Variants in MALT1 observed in about 807,000 individuals in gnomAD.
The protein encoded by MALT1 is mucosa-associated lymphoid tissue lymphoma translocation protein 1.
A neutral mutation model predicts 85.5 loss-of-function variants in MALT1; 36 were observed. That is an observed-to-expected ratio of 0.42 (90% CI 0.32 to 0.56). The LOEUF is 0.56. MALT1 is among the 20% of genes least tolerant of loss of function. MALT1 has a pLI of 0.10. For missense variants in MALT1, 716 were observed against 981.6 expected, an observed-to-expected ratio of 0.73 and a Z score of 3.62; for synonymous variants, 359 against 361.3, an observed-to-expected ratio of 0.99 and a Z score of 0.07.
At chr18:58,701,432 A>T (rs2054671246) in intron 4 of MALT1, among the ~76,000 whole-genome samples, 1 of 152,124 alleles carries the variant, frequency 6.6e-6, no homozygotes, top group African/African-American at 2.4e-5. Context: ...CTGCCTTGGC[A>T]TTCTGATTTT....
chr18:58,743,144 G>A (rs2055324642), intron 14 of MALT1, among the ~76,000 whole-genome samples: 1 of 152,168 alleles, frequency 6.6e-6, no homozygotes, highest in African/African-American at 2.4e-5. Context: ...GGAGGCCAAG[G>A]TGGGTAGATC....
intron 7 of MALT1, among the ~76,000 whole-genome samples, chr18:58,712,977 TAAGAA>T (rs1333282506): frequency 3.3e-5 from 5 of 152,136 alleles, no homozygotes; most frequent in African/African-American, 1.2e-4. Flanking sequence ...ATACAGACTA[TAAGAA>T]AAGAACCTAA....
chr18:58,729,734 T>G (rs1018592574), intron 10 of MALT1, among the ~76,000 whole-genome samples: 3 of 152,190 alleles, frequency 2.0e-5, no homozygotes, highest in African/African-American at 7.2e-5. Flanking sequence ...ATCTCTAATC[T>G]GAAAATCCCA....
In MALT1 at chr18:58,696,496, T is replaced by C; in HGVS notation, c.498+9T>C. 6.5e-7 allele frequency: 1 copy of C among 1,548,428 alleles called. No individual in the cohort carries two copies. Among genetic ancestry groups the C allele is most frequent in the Non-Finnish European group, 8.7e-7 (1 of 1,144,326 alleles). On this transcript the variant is annotated intron_variant, in intron 3 of 16. Transcript: ENST00000649217. Reference sequence around the variant, plus strand: ...TCAAAATGAATAAAGAGGTAATTTTTTAAATATATCTTTTAATTCTTCCAA... The same window carrying C: ...TCAAAATGAATAAAGAGGTAATTTTCTAAATATATCTTTTAATTCTTCCAA...
intron 13 of MALT1, among the ~76,000 whole-genome samples, chr18:58,739,808 TACACAC>T (rs36038136): frequency 0.18 from 27,188 of 150,928 alleles, 3,116 homozygotes; most frequent in African/African-American, 0.33. Flanking sequence ...TGTACACACA[TACACAC>T]ACACACACAC....
chr18:58,742,661 A>G (rs1447304250), intron 14 of MALT1, among the ~76,000 whole-genome samples: 1 of 152,216 alleles, frequency 6.6e-6, no homozygotes, highest in Non-Finnish European at 1.5e-5. Context: ...TGCAGTGAGC[A>G]GAGATTGTCC....
chr18:58,711,741 AAAT>A (rs1217991029), intron 7 of MALT1, among the ~76,000 whole-genome samples: 12 of 152,172 alleles, frequency 7.9e-5, no homozygotes, highest in African/African-American at 2.9e-4. Flanking sequence ...TAAAGTAAGG[AAAT>A]AATGTTAAAT....
At chr18:58,744,297 T>A in intron 14 of MALT1, 41 bp from the exon 15 acceptor site, 1 of 1,472,540 alleles carries the variant, frequency 6.8e-7, no homozygotes, top group Non-Finnish European at 9.3e-7. Context: ...CCTCTTATCA[T>A]CAGAAAACCT....
chr18:58,745,914 TC>T (rs2055360050), intron 16 of MALT1, 123 bp downstream of exon 16: 2 of 823,874 alleles, frequency 2.4e-6, no homozygotes. Context: ...CTACAGAAGG[TC>T]CTATCAGTGA....
intron 14 of MALT1, among the ~76,000 whole-genome samples, chr18:58,742,597 A>AC (rs1343784383): frequency 5.3e-5 from 8 of 152,272 alleles, no homozygotes; most frequent in East Asian, 3.9e-4. Flanking sequence ...AATCCCAACT[A>AC]CTAGGGTGGC....
chr18:58,674,937 C>T (rs1317502122), intron 1 of MALT1, among the ~76,000 whole-genome samples: 1 of 152,074 alleles, frequency 6.6e-6, no homozygotes, highest in Non-Finnish European at 1.5e-5. Flanking sequence ...ATAAGTAAAC[C>T]ACAAGAAAAG....
At chr18:58,742,146 C>A in intron 14 of MALT1, 132 bp downstream of exon 14, 1 of 514,708 alleles carries the variant, frequency 1.9e-6, no homozygotes, top group Non-Finnish European at 3.1e-6. Flanking sequence ...AATCTCAAAC[C>A]AAACAAATAT....
chr18:58,709,731 T>C (rs1279880947), intron 5 of MALT1, among the ~76,000 whole-genome samples, 175 bp downstream of exon 5: 1 of 152,248 alleles, frequency 6.6e-6, no homozygotes, highest in African/African-American at 2.4e-5. Context: ...TTTGCTAAAG[T>C]GCTAGAATTC....
rs2055209836 is a variant in MALT1 at position 58,735,384 on chromosome 18, C to G, written c.1603+55C>G. On this transcript the variant is annotated intron_variant, in intron 13 of 16. Transcript: ENST00000649217. The stretch of plus-strand genomic sequence containing the variant: ...CAGAAAAAGGAGAGCAGGGGAGACA[C>G]ACCTATTCAGGGTTCCCTCTCTGGT... 3.2e-6 allele frequency: 5 copies of G among 1,540,764 alleles called. No individual in the cohort carries two copies. In the South Asian group the frequency reaches 6.3e-5, roughly 19 times the overall value.
intron 2 of MALT1, chr18:58,691,564 C>T (rs943063372): frequency 1.1e-5 from 2 of 177,816 alleles, no homozygotes; most frequent in African/African-American, 4.8e-5. Flanking sequence ...TTTTTGGTGT[C>T]TCCCAGTGAT....
intron 15 of MALT1, among the ~76,000 whole-genome samples, chr18:58,745,055 G>A (rs2055348525): frequency 6.6e-6 from 1 of 152,110 alleles, no homozygotes; most frequent in Non-Finnish European, 1.5e-5. Flanking sequence ...CTTTGTGGAG[G>A]ATATTGCTTC....
intron 13 of MALT1, among the ~76,000 whole-genome samples, chr18:58,739,242 A>G (rs1402156057): frequency 1.3e-5 from 2 of 152,106 alleles, no homozygotes; most frequent in African/African-American, 2.4e-5. Context: ...TAGAATTTTC[A>G]TATCTATATT....
At chr18:58,676,545 G>A (rs1158147268) in intron 1 of MALT1, among the ~76,000 whole-genome samples, 1 of 152,142 alleles carries the variant, frequency 6.6e-6, no homozygotes, top group African/African-American at 2.4e-5. Context: ...AGGCTGAGAT[G>A]GTCTCCACAG....
chr18:58,701,443 A>G (rs1337544384), intron 4 of MALT1, among the ~76,000 whole-genome samples: 1 of 152,004 alleles, frequency 6.6e-6, no homozygotes, highest in Non-Finnish European at 1.5e-5. Flanking sequence ...TTCTGATTTT[A>G]CCTCTATTAT....
Sources: gnomAD v4.1 joint callset for allele counts (sites outside exome capture counted in the v4.1 genomes callset) on GRCh38, gnomAD v4.1.1 for gene constraint, MANE v1.5 for transcripts, NCBI Gene and HGNC (gene_info 2026-07-23, HGNC 2026-07-21) for gene names.